The following SLC35F3 variants were observed in gnomAD, a reference collection of about 807,000 sequenced individuals.
The protein encoded by SLC35F3 is putative thiamine transporter SLC35F3.
Under a neutral mutation model 49.9 loss-of-function variants are expected in SLC35F3, and 25 were observed. The observed-to-expected ratio is 0.50, with a 90% CI of 0.37 to 0.70. SLC35F3 has a LOEUF of 0.70. Among genes scored for constraint, SLC35F3 ranks in the 30% least tolerant of loss-of-function variants. SLC35F3 has a pLI of 0.00. For synonymous variants in SLC35F3, 275 were observed against 265.4 expected (o/e 1.04, Z -0.35); for missense variants, 525 against 639.8 (o/e 0.82, Z 1.94).
intron 2 of SLC35F3, among the ~76,000 whole-genome samples, chr1:234,054,823 G>C (rs1664431379): frequency 6.6e-6 from 1 of 152,110 alleles, no homozygotes; most frequent in African/African-American, 2.4e-5. Flanking sequence ...ATGGGGTTTT[G>C]GTGTGGATGT....
At chr1:234,195,773 A>G (rs1439456410) in intron 2 of SLC35F3, among the ~76,000 whole-genome samples, 1 of 152,148 alleles carries the variant, frequency 6.6e-6, no homozygotes, top group African/African-American at 2.4e-5. Flanking sequence ...GGAGGAACCC[A>G]GTGGGAGACA....
chr1:234,224,677 G>A (rs749424129), intron 2 of SLC35F3, among the ~76,000 whole-genome samples: 1 of 152,214 alleles, frequency 6.6e-6, no homozygotes, highest in Admixed American at 6.5e-5. Flanking sequence ...CTGTATTCCC[G>A]TTGATGCTCT....
At chr1:234,002,460 G>C (rs1389408585) in intron 2 of SLC35F3, among the ~76,000 whole-genome samples, 1 of 152,100 alleles carries the variant, frequency 6.6e-6, no homozygotes, top group East Asian at 1.9e-4. Context: ...TATTGGTTAA[G>C]TATTTTATAG....
At chr1:234,173,739 G>A (rs1666434469) in intron 2 of SLC35F3, among the ~76,000 whole-genome samples, 1 of 152,334 alleles carries the variant, frequency 6.6e-6, no homozygotes, top group Non-Finnish European at 1.5e-5. Flanking sequence ...GGGACATTCT[G>A]ACCATAGCCC....
chr1:233,930,942 T>C (rs1662232897), intron 2 of SLC35F3, among the ~76,000 whole-genome samples: 1 of 152,040 alleles, frequency 6.6e-6, no homozygotes, highest in Non-Finnish European at 1.5e-5. Context: ...AAAACAGATA[T>C]ATAGACCAAT....
At chr1:234,322,020 AAATAAT>A (rs150010282) in intron 7 of SLC35F3, among the ~76,000 whole-genome samples, 15,984 of 150,904 alleles carry the variant, frequency 0.11, 936 homozygotes, top group African/African-American at 0.15. Context: ...ATCTCTACAA[AAATAAT>A]AATAATAATA....
At chr1:234,070,639 C>A (rs1358463743) in intron 2 of SLC35F3, among the ~76,000 whole-genome samples, 1 of 152,090 alleles carries the variant, frequency 6.6e-6, no homozygotes, top group East Asian at 1.9e-4. Flanking sequence ...TAGATAGTTT[C>A]CATGTGTATT....
intron 2 of SLC35F3, among the ~76,000 whole-genome samples, chr1:233,956,572 T>C (rs1662708175): frequency 6.6e-6 from 1 of 152,348 alleles, no homozygotes; most frequent in South Asian, 2.1e-4. Context: ...GCATAGGTAC[T>C]AGGCCTATCT....
chr1:234,253,577 T>C (rs899308078), intron 3 of SLC35F3, among the ~76,000 whole-genome samples: 2 of 151,380 alleles, frequency 1.3e-5, no homozygotes, highest in Non-Finnish European at 2.9e-5. Context: ...AGAGGGCAAA[T>C]GGTTAAATGC....
chr1:234,054,553 A>T (rs568128798), intron 2 of SLC35F3, among the ~76,000 whole-genome samples: 7 of 152,088 alleles, frequency 4.6e-5, no homozygotes, highest in African/African-American at 1.7e-4. Flanking sequence ...ATGTTTTTTC[A>T]AGGTTTTTAG....
intron 3 of SLC35F3, among the ~76,000 whole-genome samples, chr1:234,268,365 A>C (rs1159165761): frequency 6.6e-6 from 1 of 151,240 alleles, no homozygotes; most frequent in South Asian, 2.1e-4. Context: ...TGTCAGGAGA[A>C]TCAGGCAGGG....
rs191914647 is a variant in SLC35F3, at chr1:234,285,363, G to T, written c.609-23738G>T. ...CAGGGTTCAGATGAGGCCAGGTGTT[G>T]CTTGTTCAGTATCTCAAGCCAAGAG... is the stretch of plus-strand genomic sequence containing the variant. On this transcript the variant is annotated intron_variant, in intron 3 of 7. Coordinates refer to ENST00000366618, the MANE Select transcript of SLC35F3 (RefSeq NM_173508.4). 102 of 478,630 alleles carry T rather than the reference G, an allele frequency of 2.1e-4. 1 individual carries two copies. Among genetic ancestry groups the T allele is most frequent in the African/African-American group, 1.8e-3 (91 of 50,104 alleles). The allele number at this position is 478,630 out of a possible 1,614,324, so 29.6% of individuals were successfully genotyped here.
intron 3 of SLC35F3, among the ~76,000 whole-genome samples, chr1:234,305,192 T>C (rs561667946): frequency 7.2e-5 from 11 of 152,310 alleles, no homozygotes; most frequent in Admixed American, 6.5e-4. Context: ...TAGAAATTCA[T>C]AGAAAAGTTA....
In SLC35F3 at chr1:234,189,150, C is replaced by CTT. The variant is rs1436482356; in HGVS notation, c.284-42265_284-42264dup. 2.0e-5 allele frequency among the ~76,000 whole-genome samples: 3 copies of CTT among 151,894 alleles called. No individual in the cohort carries two copies. The East Asian group carries it at 5.8e-4, about 30-fold the overall frequency. On this transcript the variant is annotated intron_variant, in intron 2 of 7. Coordinates refer to ENST00000366618, the MANE Select transcript of SLC35F3 (RefSeq NM_173508.4). Reference sequence around the variant, plus strand: ...TCTGGCAATATGACAAAACAAGGTTCTTTAACACCTCAAAAAAGAAAAAGA... The same window carrying CTT: ...TCTGGCAATATGACAAAACAAGGTTCTTTTTAACACCTCAAAAAAGAAAAAGA...
At chr1:234,147,230 C>CTTTTTTTTTTTT (rs201359916) in intron 2 of SLC35F3, among the ~76,000 whole-genome samples, 28 of 125,096 alleles carry the variant, frequency 2.2e-4, no homozygotes, top group Non-Finnish European at 3.7e-4. Context: ...TTTCTATTTT[C>CTTTTTTTTTTTT]TTTTTTTTTT....
chr1:234,001,723 AG>A (rs55853866), intron 2 of SLC35F3, among the ~76,000 whole-genome samples: 48,920 of 152,100 alleles, frequency 0.32, 9,350 homozygotes, highest in Non-Finnish European at 0.44. Flanking sequence ...TCAGTGGGAA[AG>A]AAAAGACTTT....
chr1:233,986,892 G>C (rs985352345), intron 2 of SLC35F3, among the ~76,000 whole-genome samples: 20 of 152,124 alleles, frequency 1.3e-4, no homozygotes, highest in African/African-American at 4.6e-4. Flanking sequence ...ATTTCCTTCA[G>C]TTCTTTTCTG....
intron 2 of SLC35F3, among the ~76,000 whole-genome samples, chr1:234,094,003 A>AT (rs1448385996): frequency 5.3e-5 from 8 of 152,234 alleles, no homozygotes; most frequent in Admixed American, 2.6e-4. Context: ...CAGACCGCCC[A>AT]GACGGCCAGG....
chr1:234,218,424 G>A (rs7520297), intron 2 of SLC35F3, among the ~76,000 whole-genome samples: 25,261 of 152,118 alleles, frequency 0.17, 3,403 homozygotes, highest in African/African-American at 0.37. Context: ...AATCAGTTCC[G>A]TCCTAGGAAA....
Sources: allele counts gnomAD v4.1 joint callset (sites outside exome capture counted in the v4.1 genomes callset), GRCh38; gene constraint gnomAD v4.1.1; transcripts MANE v1.5; gene names NCBI Gene and HGNC (gene_info 2026-07-23, HGNC 2026-07-21).